The following CD109 variants were observed in gnomAD, a reference collection of about 807,000 sequenced individuals.
The protein encoded by CD109 is CD109 molecule.
A neutral mutation model predicts 165.8 loss-of-function variants in CD109; 149 were observed. The ratio of observed to expected loss-of-function variants is 0.90; its 90% CI spans 0.79 to 1.03. The LOEUF (loss-of-function observed/expected upper bound fraction) is 1.03. CD109 is among the 50% of genes least tolerant of loss of function. CD109 has a pLI of 0.00. For missense variants in CD109, 1,712 were observed against 1,677.8 expected, an observed-to-expected ratio of 1.02 and a Z score of -0.36; for synonymous variants, 585 against 592.1, an observed-to-expected ratio of 0.99 and a Z score of 0.18.
At chr6:73,724,338 T>C (rs1249189107) in intron 3 of CD109, among the ~76,000 whole-genome samples, 2 of 152,200 alleles carry the variant, frequency 1.3e-5, no homozygotes, top group Non-Finnish European at 2.9e-5. Flanking sequence ...GGAGTTATTA[T>C]TTTGTTGAGA....
At chr6:73,796,326 G>A (rs769927355) in intron 23 of CD109, among the ~76,000 whole-genome samples, 1 of 152,136 alleles carries the variant, frequency 6.6e-6, no homozygotes, top group Non-Finnish European at 1.5e-5. Flanking sequence ...GGAGCTGGCT[G>A]TATCTGGAAC....
intron 2 of CD109, among the ~76,000 whole-genome samples, chr6:73,706,718 GT>G (rs1771279657): frequency 6.6e-6 from 1 of 152,132 alleles, no homozygotes; most frequent in Admixed American, 6.5e-5. Flanking sequence ...TAGGTTGTTA[GT>G]TCTGAAGAAA....
chr6:73,782,850 A>C, intron 18 of CD109, 95 bp downstream of exon 18: 1 of 1,177,698 alleles, frequency 8.5e-7, no homozygotes, highest in Non-Finnish European at 1.2e-6. Context: ...GTACAAACAT[A>C]GTGTAACTAA....
At chr6:73,809,935 G>C (rs1476076103) in intron 26 of CD109, 49 bp from the exon 27 acceptor site, 1 of 1,463,382 alleles carries the variant, frequency 6.8e-7, no homozygotes, top group Non-Finnish European at 9.3e-7. Flanking sequence ...GGTATAAAAT[G>C]TAATTTTTCT....
upstream of CD109, chr6:73,696,170 C>G (rs1302564277): frequency 4.6e-6 from 7 of 1,529,410 alleles, no homozygotes; most frequent in Admixed American, 5.9e-5. Flanking sequence ...ACGGTGCCCG[C>G]GAACTTCCCC....
intron 15 of CD109, among the ~76,000 whole-genome samples, chr6:73,773,295 A>G (rs1774115770): frequency 6.6e-6 from 1 of 151,258 alleles, no homozygotes; most frequent in Non-Finnish European, 1.5e-5. Flanking sequence ...CTTTTGGTTC[A>G]TATTTTCCTG....
At chr6:73,754,963 GT>G (rs1382279457) in intron 5 of CD109, among the ~76,000 whole-genome samples, 2 of 152,190 alleles carry the variant, frequency 1.3e-5, no homozygotes, top group Non-Finnish European at 2.9e-5. Flanking sequence ...TGTTTTGCAT[GT>G]TGTATTTACT....
chr6:73,791,325 A>C (rs1774959120), intron 22 of CD109, among the ~76,000 whole-genome samples: 4 of 150,548 alleles, frequency 2.7e-5, no homozygotes, highest in Admixed American at 1.3e-4. Context: ...AGCCCCTTGC[A>C]TAACTGGGAC....
chr6:73,787,646 A>C (rs900662744), intron 21 of CD109, among the ~76,000 whole-genome samples, 194 bp downstream of exon 21: 1 of 152,112 alleles, frequency 6.6e-6, no homozygotes, highest in African/African-American at 2.4e-5. Flanking sequence ...TTCCTCTTTA[A>C]ATTTAGTCAG....
chr6:73,723,944 C>T (rs193277788), intron 3 of CD109, among the ~76,000 whole-genome samples: 107 of 152,148 alleles, frequency 7.0e-4, no homozygotes, highest in African/African-American at 2.0e-3. Flanking sequence ...CTGCTTCTGT[C>T]GTAATGAGCC....
rs1188227778 is a variant in CD109 at position 73,807,047 on chromosome 6, C to T, written c.3164C>T (p.Ser1055Phe). The change falls in exon 25 of 33, where the codon TCT becomes TTT. Residue 1055 changes from serine (S) to phenylalanine (F), a missense_variant. By Grantham distance (155) the Ser-to-Phe change is radical. Transcript: ENST00000287097. ...PVTLTAYIVT[S>F]LLGYRKYQPN... ...ACACTTACAGCCTATATTGTAACTT[C>T]TCTCCTGGGATATAGAAAGTATCAG... 1.2e-6 allele frequency: 2 copies of T among 1,612,578 alleles called. No individual in the cohort carries two copies. The highest frequency in any genetic ancestry group is 3.3e-5 in the Admixed American group (2 of 59,982).
intron 28 of CD109, 92 bp downstream of exon 28, chr6:73,811,239 G>T (rs569459724): frequency 1.4e-6 from 2 of 1,397,668 alleles, no homozygotes; most frequent in African/African-American, 1.5e-5. Flanking sequence ...TTTCAACAAA[G>T]ACTTGTTTCC....
the CD109 span, among the ~76,000 whole-genome samples, chr6:73,680,330 T>G: frequency 6.6e-6 from 1 of 152,172 alleles, no homozygotes; most frequent in Middle Eastern, 3.2e-3. Flanking sequence ...TAACAGCCAT[T>G]GAAGCTTGAT....
the CD109 span, among the ~76,000 whole-genome samples, chr6:73,686,490 A>T: frequency 6.6e-6 from 1 of 152,174 alleles, no homozygotes; most frequent in Non-Finnish European, 1.5e-5. Flanking sequence ...TTTTGGCAAG[A>T]CCACTTCTTA....
chr6:73,739,145 A>G (rs373613542), intron 5 of CD109, among the ~76,000 whole-genome samples: 46 of 152,272 alleles, frequency 3.0e-4, no homozygotes, highest in African/African-American at 8.9e-4. Context: ...ACCAAATGCA[A>G]TTTTCCCTTT....
chr6:73,688,829 G>A, the CD109 span, among the ~76,000 whole-genome samples: 1 of 141,970 alleles, frequency 7.0e-6, no homozygotes, highest in Non-Finnish European at 1.5e-5. Flanking sequence ...GAGTGCAGCG[G>A]TGTAATCAAG....
chr6:73,722,803 C>T (rs1302063737), intron 2 of CD109, among the ~76,000 whole-genome samples: 4 of 152,168 alleles, frequency 2.6e-5, no homozygotes, highest in Non-Finnish European at 2.9e-5. Flanking sequence ...CCAGTACTCA[C>T]GAGTCAGTTA....
At chr6:73,792,408 T>C (rs528473593) in intron 22 of CD109, among the ~76,000 whole-genome samples, 135 of 152,334 alleles carry the variant, frequency 8.9e-4, no homozygotes, top group Middle Eastern at 3.4e-3. Context: ...ATGTCCTCTT[T>C]CATCACATGA....
intron 24 of CD109, among the ~76,000 whole-genome samples, chr6:73,805,951 C>A (rs937468719): frequency 1.3e-5 from 2 of 152,180 alleles, no homozygotes; most frequent in African/African-American, 2.4e-5. Flanking sequence ...TCTTTCTACA[C>A]AGACACAGCA....
Sources: gnomAD v4.1 joint callset for allele counts (sites outside exome capture counted in the v4.1 genomes callset) on GRCh38, gnomAD v4.1.1 for gene constraint, MANE v1.5 for transcripts, NCBI Gene and HGNC (gene_info 2026-07-23, HGNC 2026-07-21) for gene names.